MEGF9: variants seen among roughly 807,000 people sequenced by gnomAD.
MEGF9 encodes the protein multiple EGF like domains 9, also known as multiple epidermal growth factor-like domains protein 9.
MEGF9 carries 6 observed loss-of-function variants against 46.8 expected under a neutral mutation model. The observed-to-expected ratio is 0.13, with a 90% CI of 0.07 to 0.25. MEGF9 has a LOEUF of 0.25. Among genes scored for constraint, MEGF9 ranks in the 10% least tolerant of loss-of-function variants. The pLI is 1.00. For missense variants in MEGF9, 683 were observed against 792.4 expected, an observed-to-expected ratio of 0.86 and a Z score of 1.66; for synonymous variants, 302 against 330.7, an observed-to-expected ratio of 0.91 and a Z score of 0.94.
chr9:120,619,025 T>C (rs2043485775), intron 3 of MEGF9, among the ~76,000 whole-genome samples: 1 of 152,162 alleles, frequency 6.6e-6, no homozygotes, highest in African/African-American at 2.4e-5. Flanking sequence ...TCTTTCACTT[T>C]CTCATATTGC....
At chr9:120,619,999 T>TA (rs2043491250) in intron 3 of MEGF9, among the ~76,000 whole-genome samples, 1 of 152,236 alleles carries the variant, frequency 6.6e-6, no homozygotes, top group Non-Finnish European at 1.5e-5. Context: ...TATATAAAGC[T>TA]TGTAATTTTA....
chr9:120,690,121 G>A (rs1034137894), intron 1 of MEGF9: 1 of 383,868 alleles, frequency 2.6e-6, no homozygotes, highest in African/African-American at 2.1e-5. Flanking sequence ...AAACATTCCA[G>A]ATATATAACT....
intron 2 of MEGF9, among the ~76,000 whole-genome samples, chr9:120,627,874 A>G (rs1471791000): frequency 6.6e-6 from 1 of 152,234 alleles, no homozygotes; most frequent in Non-Finnish European, 1.5e-5. Flanking sequence ...ACATGAAGAC[A>G]ATAAGAAACA....
At chr9:120,622,134 T>C (rs530864589) in intron 3 of MEGF9, among the ~76,000 whole-genome samples, 1 of 152,210 alleles carries the variant, frequency 6.6e-6, no homozygotes, top group African/African-American at 2.4e-5. Flanking sequence ...CTTCCATCTT[T>C]TGCATAGTCG....
intron 2 of MEGF9, among the ~76,000 whole-genome samples, chr9:120,653,590 T>G (rs1041890833): frequency 3.3e-5 from 5 of 152,150 alleles, no homozygotes; most frequent in African/African-American, 1.2e-4. Context: ...TAGGCTGGTC[T>G]TGAACTCCTG....
At chr9:120,704,966 T>A (rs1435405951) in intron 1 of MEGF9, among the ~76,000 whole-genome samples, 2 of 152,058 alleles carry the variant, frequency 1.3e-5, no homozygotes, top group Non-Finnish European at 2.9e-5. Flanking sequence ...ATAAATTTGC[T>A]ACTTATTCAA....
chr9:120,620,431 C>G (rs1488289307), intron 3 of MEGF9, among the ~76,000 whole-genome samples: 1 of 150,846 alleles, frequency 6.6e-6, no homozygotes, highest in African/African-American at 2.4e-5. Flanking sequence ...ATTGTGTATA[C>G]AATGGTGAAA....
chr9:120,601,506 A>G lies in MEGF9; in HGVS notation c.*3684T>C, dbSNP rs762153117. The G allele has an allele frequency of 6.6e-6, 1 of 152,222 alleles. No homozygotes were observed. Among genetic ancestry groups the G allele is most frequent in the Non-Finnish European group, 1.5e-5 (1 of 68,036 alleles). 9.4% of individuals were successfully genotyped at this position (152,222 alleles called of 1,614,324 possible). ...AAAATAAACTAGTAGGTCAGTGAGT[A>G]TTGCTTTAATGGTCAATTTACCTGG... On this transcript the variant is annotated 3_prime_UTR_variant, in exon 6 of 6. Transcript: ENST00000373930.
intron 1 of MEGF9, among the ~76,000 whole-genome samples, chr9:120,669,862 A>G (rs571800178): frequency 1.3e-5 from 2 of 152,178 alleles, no homozygotes; most frequent in Non-Finnish European, 2.9e-5. Context: ...CAGAAACGAG[A>G]TATGACAATA....
intron 1 of MEGF9, among the ~76,000 whole-genome samples, chr9:120,685,943 G>A (rs931277964): frequency 6.6e-6 from 1 of 152,144 alleles, no homozygotes; most frequent in African/African-American, 2.4e-5. Flanking sequence ...TGAGGTCACT[G>A]TGTTAAGTGA....
chr9:120,679,002 T>C (rs976951452), intron 1 of MEGF9, among the ~76,000 whole-genome samples: 4 of 152,092 alleles, frequency 2.6e-5, no homozygotes, highest in Non-Finnish European at 4.4e-5. Context: ...TGTGGAGAAA[T>C]AGGAACACTT....
intron 3 of MEGF9, among the ~76,000 whole-genome samples, chr9:120,617,997 G>A (rs1414962101): frequency 6.6e-6 from 1 of 152,180 alleles, no homozygotes. Context: ...TTTTGGATGT[G>A]TTAGGTATAT....
At chr9:120,707,382 T>G (rs1179674033) in intron 1 of MEGF9, among the ~76,000 whole-genome samples, 1 of 152,226 alleles carries the variant, frequency 6.6e-6, no homozygotes, top group Non-Finnish European at 1.5e-5. Context: ...AAACCTGACC[T>G]GAGCAAAGGC....
At chr9:120,623,253 G>C (rs1014449789) in intron 2 of MEGF9, among the ~76,000 whole-genome samples, 4 of 152,022 alleles carry the variant, frequency 2.6e-5, no homozygotes, top group African/African-American at 9.7e-5. Context: ...CAAGAAATTT[G>C]TCTGCCAAAT....
intron 1 of MEGF9, among the ~76,000 whole-genome samples, chr9:120,675,901 A>C (rs961840680): frequency 6.6e-6 from 1 of 151,262 alleles, no homozygotes; most frequent in African/African-American, 2.4e-5. Context: ...AAAAAAAAAA[A>C]AAAAAAAAAC....
intron 1 of MEGF9, among the ~76,000 whole-genome samples, chr9:120,674,647 T>A (rs2043764732): frequency 6.6e-6 from 1 of 150,960 alleles, no homozygotes; most frequent in African/African-American, 2.4e-5. Flanking sequence ...TAGCTCACTG[T>A]AACCTCAAAC....
chr9:120,653,055 C>T (rs1462903203), intron 2 of MEGF9, among the ~76,000 whole-genome samples: 1 of 152,250 alleles, frequency 6.6e-6, no homozygotes, highest in African/African-American at 2.4e-5. Context: ...CGTCATCACA[C>T]TACTTGTCTA....
At chr9:120,695,603 CAAAA>C (rs370281228) in intron 1 of MEGF9, among the ~76,000 whole-genome samples, 5 of 18,688 alleles carry the variant, frequency 2.7e-4, no homozygotes, top group Middle Eastern at 0.029. Context: ...GACCCCATCT[CAAAA>C]AAAAAAAAAA....
chr9:120,694,009 T>C (rs1391285652), intron 1 of MEGF9, among the ~76,000 whole-genome samples: 1 of 152,142 alleles, frequency 6.6e-6, no homozygotes, highest in East Asian at 1.9e-4. Flanking sequence ...ATGCATACTT[T>C]CTACTCCAAA....
Sources: gnomAD v4.1 joint callset for allele counts (sites outside exome capture counted in the v4.1 genomes callset) on GRCh38, gnomAD v4.1.1 for gene constraint, MANE v1.5 for transcripts, NCBI Gene and HGNC (gene_info 2026-07-23, HGNC 2026-07-21) for gene names.